Variants in CAPN9 observed in about 807,000 individuals in gnomAD.
CAPN9 encodes the protein calpain 9.
In CAPN9, 81 loss-of-function variants were observed where a neutral mutation model predicts 92.8. The observed-to-expected ratio is 0.87, with a 90% CI of 0.73 to 1.05. The LOEUF (loss-of-function observed/expected upper bound fraction) is 1.05, where lower values mean the gene tolerates loss of function less well. Among genes scored for constraint, CAPN9 ranks in the 50% least tolerant of loss-of-function variants. The pLI is 0.00. For missense variants in CAPN9, 848 were observed against 866.2 expected (o/e 0.98, Z 0.26); for synonymous variants, 304 against 328.0 (o/e 0.93, Z 0.79).
chr1:230,761,972 AAC>A (rs1224928522), intron 3 of CAPN9, among the ~76,000 whole-genome samples: 4 of 152,368 alleles, frequency 2.6e-5, no homozygotes, highest in African/African-American at 4.8e-5. Context: ...CATGTGAGCA[AAC>A]ACATGCTTTC....
chr1:230,754,050 G>C (rs1185713769), intron 1 of CAPN9, among the ~76,000 whole-genome samples: 2 of 148,400 alleles, frequency 1.3e-5, no homozygotes, highest in Non-Finnish European at 3.0e-5. Context: ...CAGCTTCTGG[G>C]AGGTGGTGGC....
chr1:230,780,817 T>G, intron 11 of CAPN9, 109 bp downstream of exon 11: 1 of 793,662 alleles, frequency 1.3e-6, no homozygotes, highest in Non-Finnish European at 2.1e-6. Flanking sequence ...CTTTCCCATG[T>G]GTACCTGAGA....
intron 19 of CAPN9, among the ~76,000 whole-genome samples, chr1:230,800,241 A>AGAAG (rs1668604316): frequency 1.2e-5 from 1 of 85,392 alleles, no homozygotes; most frequent in Non-Finnish European, 2.4e-5. Context: ...GAAGAAAGAA[A>AGAAG]GAAAGAAAGA....
intron 14 of CAPN9, among the ~76,000 whole-genome samples, chr1:230,791,036 G>C (rs996428577): frequency 2.6e-5 from 4 of 152,218 alleles, no homozygotes; most frequent in Non-Finnish European, 5.9e-5. Context: ...GTCCATCCAT[G>C]CTGTAGCATG....
intron 5 of CAPN9, among the ~76,000 whole-genome samples, chr1:230,768,045 TAAATAAATAA>T (rs869238290): frequency 8.1e-6 from 1 of 123,248 alleles, no homozygotes; most frequent in African/African-American, 3.1e-5. Flanking sequence ...AATAAATAAA[TAAATAAATAA>T]AAAATAAAAT....
chr1:230,749,186 G>T (rs911158308), intron 1 of CAPN9, among the ~76,000 whole-genome samples: 2 of 152,200 alleles, frequency 1.3e-5, no homozygotes, highest in Non-Finnish European at 2.9e-5. Context: ...AAAGCTCCCA[G>T]GCACCTTCCT....
intron 11 of CAPN9, among the ~76,000 whole-genome samples, chr1:230,781,404 G>A (rs1049802064): frequency 6.6e-6 from 1 of 152,144 alleles, no homozygotes; most frequent in Non-Finnish European, 1.5e-5. Flanking sequence ...TGAAGGGGGT[G>A]GCTATTGCAA....
chr1:230,794,213 G>T (rs888236846), intron 17 of CAPN9, among the ~76,000 whole-genome samples: 4 of 152,176 alleles, frequency 2.6e-5, no homozygotes, highest in African/African-American at 9.7e-5. Flanking sequence ...GCCAGGTGTG[G>T]TGGCTCACAC....
intron 11 of CAPN9, among the ~76,000 whole-genome samples, chr1:230,784,711 T>C (rs7548720): frequency 0.22 from 33,746 of 152,280 alleles, 4,067 homozygotes; most frequent in African/African-American, 0.32. Context: ...AGGCAAAAGC[T>C]TGCTGCAGGG....
Position 230,795,224 on chromosome 1 carries a change from C to T in CAPN9, c.1932C>T (p.Leu644=). ...LIVLRYADEE[L]QLDFDDFLNC... The stretch of plus-strand genomic sequence containing the variant: ...TGCTCAGGTATGCGGATGAGGAGCT[C>T]CAGCTGGACTTCGATGACTTCCTCA... Residue 644 remains leucine, a synonymous_variant, in exon 18 of 20, where the codon CTC becomes CTT. Coordinates refer to ENST00000271971, the MANE Select transcript of CAPN9 (RefSeq NM_006615.3). 1 of 1,613,668 alleles carries T rather than the reference C, an allele frequency of 6.2e-7. No homozygotes were observed. Among genetic ancestry groups the T allele is most frequent in the South Asian group, 1.1e-5 (1 of 91,048 alleles).
intron 17 of CAPN9, among the ~76,000 whole-genome samples, chr1:230,793,992 C>T (rs984614320): frequency 6.6e-6 from 1 of 152,150 alleles, no homozygotes; most frequent in African/African-American, 2.4e-5. Flanking sequence ...CTGGCCAAGG[C>T]TGGCAGCCAG....
chr1:230,747,761 C>T (rs770195766), intron 1 of CAPN9, 52 bp downstream of exon 1: 189 of 1,530,016 alleles, frequency 1.2e-4, no homozygotes, highest in Non-Finnish European at 1.7e-4. Flanking sequence ...GGTTCAGCAG[C>T]CCCCGCAGGA....
At position 230,763,918 on chromosome 1, in the gene CAPN9, A is replaced by G. The variant is rs28359639; in HGVS notation, c.536+1132A>G. Among the ~76,000 whole-genome samples, 1,138 of 152,296 alleles carry G rather than the reference A, an allele frequency of 7.5e-3. 14 individuals are homozygous for G. Among genetic ancestry groups the G allele is most frequent in the African/African-American group, 0.026 (1,064 of 41,554 alleles). On this transcript the variant is annotated intron_variant, in intron 4 of 19. Transcript: ENST00000271971. Reference sequence around the variant, plus strand: ...ACTGTTTCCAAGTCCAGTGGGTGGGACCCAAGCCCACCTCTGCCCCTTGGT... The same window carrying G: ...ACTGTTTCCAAGTCCAGTGGGTGGGGCCCAAGCCCACCTCTGCCCCTTGGT...
intron 6 of CAPN9, 118 bp downstream of exon 6, chr1:230,769,381 T>C: frequency 1.4e-6 from 1 of 723,588 alleles, no homozygotes; most frequent in South Asian, 2.2e-5. Context: ...TTTCAGAGAT[T>C]ATGTCACCTA....
chr1:230,793,274 T>C (rs932196687), intron 17 of CAPN9, among the ~76,000 whole-genome samples: 1 of 152,228 alleles, frequency 6.6e-6, no homozygotes, highest in East Asian at 1.9e-4. Flanking sequence ...CAAGCTGCAG[T>C]GATTCCAAAC....
intron 4 of CAPN9, among the ~76,000 whole-genome samples, chr1:230,763,762 A>G (rs1460228788): frequency 6.6e-6 from 1 of 152,260 alleles, no homozygotes; most frequent in Non-Finnish European, 1.5e-5. Context: ...GGTTAAATTA[A>G]TCCTGAAATC....
At chr1:230,801,432 C>T in intron 19 of CAPN9, 138 bp from the exon 20 acceptor site, 1 of 814,554 alleles carries the variant, frequency 1.2e-6, no homozygotes, top group South Asian at 1.4e-5. Context: ...CCTGCTGAGA[C>T]AGACATCCAA....
At chr1:230,798,599 G>T (rs903673356) in intron 19 of CAPN9, among the ~76,000 whole-genome samples, 2 of 152,090 alleles carry the variant, frequency 1.3e-5, no homozygotes, top group African/African-American at 4.8e-5. Flanking sequence ...TGCTCATGTT[G>T]TCCCGTGGTT....
At chr1:230,771,351 C>T (rs1312618716) in intron 6 of CAPN9, among the ~76,000 whole-genome samples, 1 of 152,234 alleles carries the variant, frequency 6.6e-6, no homozygotes, top group African/African-American at 2.4e-5. Flanking sequence ...CCTCTAAAAC[C>T]CTTCTCAAAT....
Sources: gnomAD v4.1 joint callset for allele counts (sites outside exome capture counted in the v4.1 genomes callset) on GRCh38, gnomAD v4.1.1 for gene constraint, MANE v1.5 for transcripts, NCBI Gene and HGNC (gene_info 2026-07-23, HGNC 2026-07-21) for gene names.